The following PRPSAP2 variants were observed in gnomAD, a reference collection of about 807,000 sequenced individuals.
PRPSAP2 encodes phosphoribosyl pyrophosphate synthetase associated protein 2.
A neutral mutation model predicts 40.6 loss-of-function variants in PRPSAP2; 24 were observed. The ratio of observed to expected loss-of-function variants is 0.59; its 90% confidence interval spans 0.43 to 0.83. The LOEUF (loss-of-function observed/expected upper bound fraction) is 0.83. PRPSAP2 is among the 40% of genes least tolerant of loss of function. The probability of loss-of-function intolerance (pLI) is 0.00; values close to 1 mark genes in which losing one functional copy is unlikely to be tolerated. For synonymous variants in PRPSAP2, 149 were observed against 164.7 expected (o/e 0.90, Z 0.73); for missense variants, 292 against 465.6 (o/e 0.63, Z 3.43).
At chr17:18,919,484 G>A (rs2041565772) in intron 9 of PRPSAP2, among the ~76,000 whole-genome samples, 1 of 150,820 alleles carries the variant, frequency 6.6e-6, no homozygotes, top group Non-Finnish European at 1.5e-5. Context: ...CTCCAGCCTG[G>A]GCAACACAGT....
At chr17:18,877,604 A>T in intron 5 of PRPSAP2, 94 bp from the exon 6 acceptor site, 1 of 1,224,224 alleles carries the variant, frequency 8.2e-7, no homozygotes, top group Non-Finnish European at 1.1e-6. Flanking sequence ...CTTAGGTTGT[A>T]TAAAGGCATG....
At chr17:18,917,516 G>A (rs529003649) in intron 9 of PRPSAP2, 5 of 143,840 alleles carry the variant, frequency 3.5e-5, no homozygotes, top group South Asian at 2.2e-4. Flanking sequence ...TGGGACTACC[G>A]GTACATGCCA....
intron 7 of PRPSAP2, among the ~76,000 whole-genome samples, chr17:18,886,154 C>CAAAAAATGAATTATTCTTT (rs2039127005): frequency 9.9e-5 from 15 of 152,270 alleles, no homozygotes; most frequent in Non-Finnish European, 2.1e-4. Context: ...CATTATTTTA[C>CAAAAAATGAATTATTCTTT]GTCACCAAGA....
intron 4 of PRPSAP2, among the ~76,000 whole-genome samples, chr17:18,869,488 C>T (rs1000893037): frequency 1.3e-5 from 2 of 151,006 alleles, no homozygotes; most frequent in Non-Finnish European, 3.0e-5. Flanking sequence ...CAGGTGGGCA[C>T]CATGCTGCCA....
intron 8 of PRPSAP2, among the ~76,000 whole-genome samples, chr17:18,901,474 G>A (rs911597824): frequency 6.6e-6 from 1 of 152,094 alleles, no homozygotes; most frequent in Non-Finnish European, 1.5e-5. Flanking sequence ...CCGCCTCCCG[G>A]GTTCATGCCA....
chr17:18,915,070 G>T (rs1039028730), intron 9 of PRPSAP2, among the ~76,000 whole-genome samples: 7 of 147,662 alleles, frequency 4.7e-5, no homozygotes, highest in Non-Finnish European at 8.9e-5. Flanking sequence ...TCTTGCTCAG[G>T]CTGGAGTGCA....
At chr17:18,865,314 A>G (rs1334009627) in intron 1 of PRPSAP2, among the ~76,000 whole-genome samples, 155 bp from the exon 2 acceptor site, 1 of 152,204 alleles carries the variant, frequency 6.6e-6, no homozygotes, top group African/African-American at 2.4e-5. Context: ...AGTTTTAGAC[A>G]TGACACAGGG....
intron 6 of PRPSAP2, 32 bp from the exon 7 acceptor site, chr17:18,882,536 A>T: frequency 7.3e-7 from 1 of 1,379,226 alleles, no homozygotes; most frequent in Non-Finnish European, 1.0e-6. Context: ...AAACAAAACT[A>T]TTTATTGCTT....
intron 9 of PRPSAP2, among the ~76,000 whole-genome samples, chr17:18,919,599 G>A (rs576142313): frequency 2.0e-5 from 3 of 152,244 alleles, no homozygotes; most frequent in South Asian, 2.1e-4. Flanking sequence ...CCAGGAAGTC[G>A]AGGCTGCAGT....
At chr17:18,889,267 T>C (rs1183297335) in intron 7 of PRPSAP2, among the ~76,000 whole-genome samples, 1 of 152,246 alleles carries the variant, frequency 6.6e-6, no homozygotes, top group Non-Finnish European at 1.5e-5. Flanking sequence ...GTTTTATACA[T>C]GTTGCTAGGT....
chr17:18,902,869 CAAAAAAAAAAAAA>C (rs58345106), intron 8 of PRPSAP2, among the ~76,000 whole-genome samples: 1 of 73,310 alleles, frequency 1.4e-5, no homozygotes, highest in East Asian at 5.1e-4. Context: ...AACTCCATCT[CAAAAAAAAAAAAA>C]AAAAAAAAAA....
chr17:18,906,723 T>C (rs1349610607), intron 8 of PRPSAP2, among the ~76,000 whole-genome samples: 1 of 151,746 alleles, frequency 6.6e-6, no homozygotes, highest in East Asian at 1.9e-4. Context: ...TTTGTTCGTT[T>C]TTCAGTAGAG....
chr17:18,857,474 C>A (rs2036653676), upstream of PRPSAP2, among the ~76,000 whole-genome samples: 1 of 151,696 alleles, frequency 6.6e-6, no homozygotes, highest in Non-Finnish European at 1.5e-5. Flanking sequence ...AGAGCAGTGG[C>A]GCGATCTCGG....
At chr17:18,872,049 T>C (rs1227022618) in intron 4 of PRPSAP2, among the ~76,000 whole-genome samples, 1 of 152,066 alleles carries the variant, frequency 6.6e-6, no homozygotes, top group South Asian at 2.1e-4. Flanking sequence ...GGCAGGCAGA[T>C]CGCGAGGTCA....
intron 8 of PRPSAP2, among the ~76,000 whole-genome samples, chr17:18,905,830 G>A (rs1049534729): frequency 3.9e-5 from 6 of 152,220 alleles, no homozygotes; most frequent in African/African-American, 1.4e-4. Context: ...TGATCTGCCC[G>A]CCTCGGCCTC....
intron 4 of PRPSAP2, among the ~76,000 whole-genome samples, chr17:18,869,791 T>G (rs1303581613): frequency 8.8e-5 from 1 of 11,374 alleles, no homozygotes; most frequent in Non-Finnish European, 1.6e-4. Flanking sequence ...TTTCCAACAT[T>G]TTTTTTTTTC....
intron 9 of PRPSAP2, chr17:18,917,569 ATTATTATTATTATTATTTT>A (rs2041401694): frequency 3.3e-5 from 1 of 30,104 alleles, no homozygotes; most frequent in Non-Finnish European, 6.7e-5. Flanking sequence ...TATTATTATT[ATTATTATTATTATTATTTT>A]TTTTTTTTTT....
intron 6 of PRPSAP2, among the ~76,000 whole-genome samples, chr17:18,879,422 T>C (rs963354891): frequency 4.6e-5 from 7 of 152,176 alleles, no homozygotes; most frequent in African/African-American, 1.7e-4. Context: ...GTAGCTGGGA[T>C]TGCAGGCACA....
chr17:18,883,537 G>T (rs747721043), intron 7 of PRPSAP2, among the ~76,000 whole-genome samples: 8 of 151,464 alleles, frequency 5.3e-5, no homozygotes, highest in African/African-American at 1.9e-4. Flanking sequence ...ACAGGCATGC[G>T]CCAACACAGC....
Sources: allele counts gnomAD v4.1 joint callset (sites outside exome capture counted in the v4.1 genomes callset), GRCh38; gene constraint gnomAD v4.1.1; transcripts MANE v1.5; gene names NCBI Gene and HGNC (gene_info 2026-07-23, HGNC 2026-07-21).